SORCS3: variants seen among roughly 807,000 people sequenced by gnomAD.
SORCS3 encodes VPS10 domain-containing receptor SorCS3.
A neutral mutation model predicts 146.3 loss-of-function variants in SORCS3; 57 were observed. That is an observed-to-expected ratio of 0.39 (90% CI 0.31 to 0.49). SORCS3 has a LOEUF of 0.49. Among genes scored for constraint, SORCS3 ranks in the 20% least tolerant of loss-of-function variants. The pLI is 0.92. For synonymous variants in SORCS3, 653 were observed against 618.5 expected, an observed-to-expected ratio of 1.06 and a Z score of -0.83; for missense variants, 1,341 against 1,575.5, an observed-to-expected ratio of 0.85 and a Z score of 2.52.
At chr10:104,992,142 G>C (rs1010577396) in intron 4 of SORCS3, among the ~76,000 whole-genome samples, 4 of 152,154 alleles carry the variant, frequency 2.6e-5, no homozygotes, top group African/African-American at 9.7e-5. Context: ...TAGGGTGTAG[G>C]GGAGGGAGCA....
chr10:104,702,190 A>T (rs903080366), intron 1 of SORCS3, among the ~76,000 whole-genome samples: 2 of 152,180 alleles, frequency 1.3e-5, no homozygotes, highest in Non-Finnish European at 2.9e-5. Flanking sequence ...GTGTTTGAGC[A>T]CAATGGAAAC....
chr10:104,838,510 A>G (rs1468976961), intron 1 of SORCS3, among the ~76,000 whole-genome samples: 3 of 152,232 alleles, frequency 2.0e-5, no homozygotes, highest in East Asian at 3.9e-4. Context: ...TCATGGCTCT[A>G]TTAATATCCT....
At chr10:104,969,744 G>GT (rs2054848288) in intron 3 of SORCS3, among the ~76,000 whole-genome samples, 1 of 152,096 alleles carries the variant, frequency 6.6e-6, no homozygotes, top group Non-Finnish European at 1.5e-5. Context: ...TTATGTGTGT[G>GT]TGCACATAAA....
chr10:105,135,204 G>T (rs746482731), intron 7 of SORCS3, among the ~76,000 whole-genome samples: 1 of 152,280 alleles, frequency 6.6e-6, no homozygotes, highest in South Asian at 2.1e-4. Flanking sequence ...ATGGTTTTGG[G>T]TAGGTATAGC....
At chr10:105,136,986 G>C (rs923381264) in intron 7 of SORCS3, among the ~76,000 whole-genome samples, 5 of 152,170 alleles carry the variant, frequency 3.3e-5, no homozygotes, top group Non-Finnish European at 5.9e-5. Flanking sequence ...AATAGACATG[G>C]GAGGATGAGT....
chr10:104,767,895 TAAAA>T (rs2017200406), intron 1 of SORCS3, among the ~76,000 whole-genome samples: 1 of 151,336 alleles, frequency 6.6e-6, no homozygotes, highest in Non-Finnish European at 1.5e-5. Flanking sequence ...GCTGGTAGTA[TAAAA>T]CATGGTCAAT....
Position 105,082,577 on chromosome 10 carries a change from C to T in SORCS3, c.1029-7198C>T, listed in dbSNP as rs372167510. 3.3e-5 allele frequency among the ~76,000 whole-genome samples: 5 copies of T among 152,242 alleles called. No homozygotes were observed. In the East Asian group the frequency reaches 5.8e-4, roughly 18 times the overall value. ...GAAACTAAAAATCATTATTTGCACA[C>T]ATGTGATGAAGAGTTTACACAGAGG... is the stretch of plus-strand genomic sequence containing the variant. On this transcript the variant is annotated intron_variant, in intron 5 of 26. Transcript: ENST00000369701.
intron 1 of SORCS3, among the ~76,000 whole-genome samples, chr10:104,775,852 G>A (rs1250149289): frequency 2.6e-5 from 4 of 152,194 alleles, no homozygotes; most frequent in Non-Finnish European, 5.9e-5. Flanking sequence ...ATGCTTACTT[G>A]AATAGCAAGA....
At chr10:104,993,075 G>GAC (rs2055004240) in intron 4 of SORCS3, among the ~76,000 whole-genome samples, 4 of 152,138 alleles carry the variant, frequency 2.6e-5, no homozygotes, top group Non-Finnish European at 1.5e-5. Context: ...AGGGGAGAGG[G>GAC]TGCCTGATAA....
intron 13 of SORCS3, among the ~76,000 whole-genome samples, chr10:105,175,609 G>A (rs539871138): frequency 6.6e-6 from 1 of 152,268 alleles, no homozygotes; most frequent in South Asian, 2.1e-4. Context: ...GAAAAGTAAA[G>A]TTCATTTCCA....
chr10:105,233,837 C>T (rs1427348975), intron 20 of SORCS3, among the ~76,000 whole-genome samples: 1 of 152,126 alleles, frequency 6.6e-6, no homozygotes, highest in African/African-American at 2.4e-5. Flanking sequence ...GGTTCCAACT[C>T]TTTGCTATTG....
intron 1 of SORCS3, among the ~76,000 whole-genome samples, chr10:104,720,345 A>G (rs1266186405): frequency 2.0e-5 from 3 of 152,200 alleles, no homozygotes; most frequent in East Asian, 3.8e-4. Flanking sequence ...CATGGTGTAT[A>G]TGTGCCACAT....
chr10:104,706,201 C>CTTTTTTTTTTTTTTTTTTTTTTTTTTTT (rs1162969172), intron 1 of SORCS3, among the ~76,000 whole-genome samples: 7 of 85,874 alleles, frequency 8.2e-5, no homozygotes, highest in East Asian at 3.5e-4. Flanking sequence ...TTTTCTTCTT[C>CTTTTTTTTTTTTTTTTTTTTTTTTTTTT]TTTTTTTTTT....
intron 5 of SORCS3, among the ~76,000 whole-genome samples, chr10:105,044,175 C>T (rs1450855091): frequency 6.6e-6 from 1 of 151,998 alleles, no homozygotes; most frequent in East Asian, 1.9e-4. Context: ...TCAAGACCAG[C>T]CTGGTCATTA....
intron 2 of SORCS3, among the ~76,000 whole-genome samples, chr10:104,853,848 T>G (rs1359337986): frequency 6.6e-6 from 1 of 152,192 alleles, no homozygotes; most frequent in African/African-American, 2.4e-5. Flanking sequence ...CCAATTATAA[T>G]ATTTATTTAA....
intron 4 of SORCS3, among the ~76,000 whole-genome samples, chr10:104,998,734 A>G (rs930707260): frequency 1.3e-5 from 2 of 152,254 alleles, no homozygotes; most frequent in East Asian, 3.9e-4. Context: ...CAGCTGGGTA[A>G]TAGTTGGCTA....
chr10:104,978,590 A>G (rs1001248752), intron 4 of SORCS3, among the ~76,000 whole-genome samples: 1 of 152,080 alleles, frequency 6.6e-6, no homozygotes. Flanking sequence ...TTCTAAACCC[A>G]CCATCTGTGA....
chr10:104,812,819 C>T (rs901600169), intron 1 of SORCS3, among the ~76,000 whole-genome samples: 2 of 152,100 alleles, frequency 1.3e-5, no homozygotes, highest in Non-Finnish European at 2.9e-5. Context: ...CAAAGGGTAA[C>T]CAGAGCAGTA....
intron 1 of SORCS3, among the ~76,000 whole-genome samples, chr10:104,653,533 G>A (rs1321510630): frequency 6.6e-6 from 1 of 152,032 alleles, no homozygotes; most frequent in Non-Finnish European, 1.5e-5. Flanking sequence ...GAATGTCTTG[G>A]TTTATACCTC....
Sources: allele counts gnomAD v4.1 joint callset (sites outside exome capture counted in the v4.1 genomes callset), GRCh38; gene constraint gnomAD v4.1.1; transcripts MANE v1.5; gene names NCBI Gene and HGNC (gene_info 2026-07-23, HGNC 2026-07-21).